CACNB2: variants seen among roughly 807,000 people sequenced by gnomAD.
CACNB2 encodes voltage-dependent L-type calcium channel subunit beta-2.
Under a neutral mutation model 73.3 loss-of-function variants are expected in CACNB2, and 42 were observed. The observed-to-expected ratio is 0.57, with a 90% CI of 0.45 to 0.74. The LOEUF (loss-of-function observed/expected upper bound fraction) is 0.74. Among genes scored for constraint, CACNB2 ranks in the 30% least tolerant of loss-of-function variants. The pLI is 0.00. For synonymous variants in CACNB2, 348 were observed against 310.3 expected (o/e 1.12, Z -1.28); for missense variants, 940 against 853.0 (o/e 1.10, Z -1.27).
At chr10:18,295,184 A>C (rs1036226003) in intron 2 of CACNB2, among the ~76,000 whole-genome samples, 1 of 152,234 alleles carries the variant, frequency 6.6e-6, no homozygotes, top group Non-Finnish European at 1.5e-5. Flanking sequence ...GGCTAATAGG[A>C]CACAGCACTT....
chr10:18,455,440 A>G (rs902475959), intron 3 of CACNB2, among the ~76,000 whole-genome samples: 3 of 151,828 alleles, frequency 2.0e-5, no homozygotes, highest in Non-Finnish European at 4.4e-5. Context: ...TTTCAGAGAA[A>G]GAGTGAGTAA....
At chr10:18,422,848 G>A (rs889983757) in intron 3 of CACNB2, among the ~76,000 whole-genome samples, 8 of 152,042 alleles carry the variant, frequency 5.3e-5, no homozygotes, top group Non-Finnish European at 7.4e-5. Flanking sequence ...ATAGGCATGC[G>A]ACACCACACC....
rs151200166 is a variant in CACNB2 at position 18,397,860 on chromosome 10, G to T, written c.214-4064G>T. On this transcript the variant is annotated intron_variant, in intron 2 of 13. Transcript: ENST00000324631. ...TCTAAGGATAAAAGGTGATGATCCT[G>T]GGAGGAACTATTAGTACACAGTAGT... Among the ~76,000 whole-genome samples the T allele has an allele frequency of 3.9e-3, 597 of 152,290 alleles. 5 individuals carry two copies. Among genetic ancestry groups the T allele is most frequent in the African/African-American group, 0.014 (564 of 41,566 alleles).
intron 2 of CACNB2, among the ~76,000 whole-genome samples, chr10:18,280,999 A>C (rs923966539): frequency 6.6e-6 from 1 of 152,192 alleles, no homozygotes; most frequent in Non-Finnish European, 1.5e-5. Flanking sequence ...AACAGCTTCA[A>C]TAAAGTGAAT....
chr10:18,532,518 C>CAAAACATT (rs1434733268), intron 10 of CACNB2, among the ~76,000 whole-genome samples: 1 of 151,496 alleles, frequency 6.6e-6, no homozygotes, highest in Non-Finnish European at 1.5e-5. Flanking sequence ...ACTAAAAGTA[C>CAAAACATT]AAAACATTAG....
chr10:18,232,428 T>A (rs1349636010), intron 2 of CACNB2, among the ~76,000 whole-genome samples: 2 of 152,194 alleles, frequency 1.3e-5, no homozygotes, highest in Non-Finnish European at 2.9e-5. Flanking sequence ...ACCAGAGGTT[T>A]AACCGTGTAG....
At chr10:18,222,860 C>T (rs536989056) in intron 2 of CACNB2, among the ~76,000 whole-genome samples, 65 of 152,274 alleles carry the variant, frequency 4.3e-4, no homozygotes, top group Non-Finnish European at 4.3e-4. Flanking sequence ...TTTCTTGAAC[C>T]CAGGAGGCGG....
At chr10:18,369,241 A>G (rs1260660502) in intron 2 of CACNB2, among the ~76,000 whole-genome samples, 4 of 152,188 alleles carry the variant, frequency 2.6e-5, no homozygotes, top group African/African-American at 7.2e-5. Context: ...CAAATTTAAA[A>G]ATTACTTTTT....
At chr10:18,336,112 T>C (rs556114855) in intron 2 of CACNB2, among the ~76,000 whole-genome samples, 55 of 152,214 alleles carry the variant, frequency 3.6e-4, no homozygotes, top group Non-Finnish European at 6.9e-4. Flanking sequence ...ATATAATGTT[T>C]CCAAACTTTC....
chr10:18,222,205 CCA>C (rs996486918), intron 2 of CACNB2, among the ~76,000 whole-genome samples: 4 of 152,160 alleles, frequency 2.6e-5, no homozygotes, highest in African/African-American at 9.7e-5. Flanking sequence ...TGTTAAATGA[CCA>C]CATGCCGAGG....
At chr10:18,176,633 T>G (rs1300939086) in intron 2 of CACNB2, among the ~76,000 whole-genome samples, 1 of 150,146 alleles carries the variant, frequency 6.7e-6, no homozygotes, top group African/African-American at 2.5e-5. Context: ...AAGGTAAGTC[T>G]GTGAAGGTGG....
At chr10:18,227,978 A>C (rs1347553751) in intron 2 of CACNB2, among the ~76,000 whole-genome samples, 3 of 152,178 alleles carry the variant, frequency 2.0e-5, no homozygotes, top group Non-Finnish European at 4.4e-5. Context: ...TCTTCAGTGC[A>C]TGCTCTGAAA....
At chr10:18,188,740 G>A (rs1478400660) in intron 2 of CACNB2, among the ~76,000 whole-genome samples, 3 of 152,116 alleles carry the variant, frequency 2.0e-5, no homozygotes, top group African/African-American at 7.2e-5. Flanking sequence ...ATAGCACATG[G>A]AAGGGATATT....
intron 3 of CACNB2, among the ~76,000 whole-genome samples, chr10:18,488,423 C>CA (rs953910637): frequency 7.6e-6 from 1 of 131,890 alleles, no homozygotes; most frequent in Non-Finnish European, 1.5e-5. Context: ...TGCAGTGAGC[C>CA]AAAATCACAC....
In CACNB2 at chr10:18,330,579, T is replaced by C. The variant is rs369710852; in HGVS notation, c.214-71345T>C. On this transcript the variant is annotated intron_variant, in intron 2 of 13. Transcript: ENST00000324631. ...GGGAGGATCATTTGAGCCCAAGAGG[T>C]TGAAGCTACAGTGAGATGTGATTGT... is the stretch of plus-strand genomic sequence containing the variant. 1.1e-4 allele frequency among the ~76,000 whole-genome samples: 16 copies of C among 152,280 alleles called. No individual in the cohort carries two copies. The South Asian group carries it at 1.5e-3, about 14-fold the overall frequency.
At chr10:18,152,763 C>T (rs1231481723) in intron 2 of CACNB2, among the ~76,000 whole-genome samples, 2 of 137,246 alleles carry the variant, frequency 1.5e-5, no homozygotes, top group African/African-American at 5.5e-5. Context: ...CCTTAGTGTG[C>T]ATAGTAGCTG....
intron 2 of CACNB2, among the ~76,000 whole-genome samples, chr10:18,209,081 C>T (rs367913208): frequency 1.1e-4 from 17 of 152,332 alleles, no homozygotes; most frequent in East Asian, 7.7e-4. Context: ...ACCTGCAGAA[C>T]TGCTTCCTTC....
chr10:18,178,337 C>A (rs747449876), intron 2 of CACNB2, among the ~76,000 whole-genome samples: 1 of 152,138 alleles, frequency 6.6e-6, no homozygotes, highest in Non-Finnish European at 1.5e-5. Context: ...TTAACTCTAC[C>A]TATTAGGCTT....
At chr10:18,321,348 G>C (rs2040389783) in intron 2 of CACNB2, among the ~76,000 whole-genome samples, 1 of 152,104 alleles carries the variant, frequency 6.6e-6, no homozygotes, top group Admixed American at 6.6e-5. Flanking sequence ...GCATGTATTT[G>C]AGAATACCAC....
Sources: gnomAD v4.1 joint callset for allele counts (sites outside exome capture counted in the v4.1 genomes callset) on GRCh38, gnomAD v4.1.1 for gene constraint, MANE v1.5 for transcripts, NCBI Gene and HGNC (gene_info 2026-07-23, HGNC 2026-07-21) for gene names.